PIK3AP1: variants seen among roughly 807,000 people sequenced by gnomAD.
PIK3AP1 encodes the protein phosphoinositide 3-kinase adapter protein 1.
PIK3AP1 carries 21 observed loss-of-function variants against 88.1 expected under a neutral mutation model. The observed-to-expected ratio is 0.24, with a 90% confidence interval of 0.17 to 0.34. The LOEUF (loss-of-function observed/expected upper bound fraction) is 0.34. PIK3AP1 is among the 10% of genes least tolerant of loss of function. PIK3AP1 has a pLI of 1.00. For synonymous variants in PIK3AP1, 398 were observed against 400.0 expected (o/e 1.00, Z 0.06); for missense variants, 828 against 1,035.7 (o/e 0.80, Z 2.75).
chr10:96,600,489 A>C (rs1589477470), intron 16 of PIK3AP1, among the ~76,000 whole-genome samples: 1 of 152,194 alleles, frequency 6.6e-6, no homozygotes, highest in African/African-American at 2.4e-5. Flanking sequence ...CTAATATTCT[A>C]ATCCGTGCCT....
intron 2 of PIK3AP1, among the ~76,000 whole-genome samples, chr10:96,667,948 T>C (rs1051474921): frequency 6.6e-6 from 1 of 152,226 alleles, no homozygotes; most frequent in Non-Finnish European, 1.5e-5. Context: ...GTACTTTTTA[T>C]TATCTATATT....
intron 13 of PIK3AP1, among the ~76,000 whole-genome samples, chr10:96,614,784 T>G (rs1849186569): frequency 6.6e-6 from 1 of 152,182 alleles, no homozygotes; most frequent in Admixed American, 6.5e-5. Context: ...AATAGTTTCC[T>G]GAAACTGACC....
intron 1 of PIK3AP1, among the ~76,000 whole-genome samples, chr10:96,714,144 A>G (rs1051579127): frequency 6.6e-6 from 1 of 151,960 alleles, no homozygotes. Context: ...ATTGCACTCC[A>G]GCCTGGGTAA....
chr10:96,703,934 A>T (rs1223253786), intron 2 of PIK3AP1, among the ~76,000 whole-genome samples: 2 of 152,242 alleles, frequency 1.3e-5, no homozygotes, highest in African/African-American at 4.8e-5. Context: ...GAAGACTCCA[A>T]TTAAAACATC....
Position 96,700,989 on chromosome 10 carries a change from G to A in PIK3AP1, c.430+8578C>T, listed in dbSNP as rs943008341. 19 of 704,854 alleles carry A rather than the reference G, an allele frequency of 2.7e-5. No individual in the cohort carries two copies. In the Admixed American group the frequency reaches 5.0e-4, roughly 19 times the overall value. The allele number at this position is 704,854 out of a possible 1,614,324, so 43.7% of individuals were successfully genotyped here. A position where few individuals can be genotyped will look rare whatever the true frequency, so the allele number is the denominator to read the frequency against. ...AACAGACCACAGGGCCTGAGCTACC[G>A]CGGGCTCCTGTGACCCAAAAACCGA... On this transcript the variant is annotated intron_variant, in intron 2 of 16. Coordinates refer to ENST00000339364, the MANE Select transcript of PIK3AP1 (RefSeq NM_152309.3).
In PIK3AP1 at chr10:96,656,947, G is replaced by A; in HGVS notation, c.431-13C>T. The A allele has an allele frequency of 1.2e-6, 2 of 1,613,434 alleles. No individual in the cohort carries two copies. The highest frequency in any genetic ancestry group is 1.1e-5 in the South Asian group (1 of 91,054). ...TCACAGCCAGAATCTACAAAATAGA[G>A]GACACCGCTGAATGGGAACGGCAGG... On this transcript the variant is annotated splice_polypyrimidine_tract_variant and intron_variant, in intron 2 of 16. Coordinates refer to ENST00000339364, the MANE Select transcript of PIK3AP1 (RefSeq NM_152309.3).
At chr10:96,600,921 CTT>C (rs1848878407) in intron 16 of PIK3AP1, among the ~76,000 whole-genome samples, 1 of 152,178 alleles carries the variant, frequency 6.6e-6, no homozygotes, top group Non-Finnish European at 1.5e-5. Context: ...GCTGTGACCA[CTT>C]TTTCCGTTAC....
rs767405565 is a variant in PIK3AP1, at chr10:96,616,721, A to G, written c.1942-10T>C. 3 of 1,613,784 alleles carry G rather than the reference A, an allele frequency of 1.9e-6. No individual in the cohort carries two copies. The highest frequency in any genetic ancestry group is 2.7e-5 in the African/African-American group (2 of 74,882). ...GCCGTTTAAGATTTTCCTGGAAAAAAATTTGGTTTATTTTTTAAGTGTACA... is the reference window on the plus strand; with the variant it reads ...GCCGTTTAAGATTTTCCTGGAAAAAGATTTGGTTTATTTTTTAAGTGTACA... On this transcript the variant is annotated splice_polypyrimidine_tract_variant and intron_variant, in intron 12 of 16. Coordinates refer to ENST00000339364, the MANE Select transcript of PIK3AP1 (RefSeq NM_152309.3).
intron 2 of PIK3AP1, among the ~76,000 whole-genome samples, chr10:96,666,724 C>T (rs1177330215): frequency 6.6e-6 from 1 of 151,910 alleles, no homozygotes; most frequent in Non-Finnish European, 1.5e-5. Context: ...GCTCAATAGT[C>T]CTAATCTCAT....
chr10:96,709,681 G>C lies in PIK3AP1; in HGVS notation c.316C>G (p.Arg106Gly). Residue 106 changes from arginine (R) to glycine (G), a missense_variant, in exon 2 of 17, where the codon CGG becomes GGG. Around this residue, in one of 3 missense-constraint regions of PIK3AP1, gnomAD observed 610 missense variants for 760.1 expected, o/e 0.80. Coordinates refer to ENST00000339364, the MANE Select transcript of PIK3AP1 (RefSeq NM_152309.3). ...AAGTCTAGGAACTCCTCGCTGTCCC[G>C]CACGCCGCAGAGCAGCCTGACCACG... Reference protein sequence around the residue: ...HRVVRLLCGVRDSEEFLDFFP... With the variant: ...HRVVRLLCGVGDSEEFLDFFP... The C allele has an allele frequency of 6.2e-7, 1 of 1,614,244 alleles. No individual in the cohort carries two copies. Among genetic ancestry groups the C allele is most frequent in the Non-Finnish European group, 8.5e-7 (1 of 1,180,050 alleles).
intron 2 of PIK3AP1, among the ~76,000 whole-genome samples, chr10:96,695,093 G>T (rs1053719600): frequency 1.3e-5 from 2 of 152,080 alleles, no homozygotes; most frequent in South Asian, 4.2e-4. Context: ...CATTTTTCCA[G>T]AAAAAAATCT....
At chr10:96,626,083 T>C (rs1044901570) in intron 10 of PIK3AP1, among the ~76,000 whole-genome samples, 4 of 152,178 alleles carry the variant, frequency 2.6e-5, no homozygotes, top group Non-Finnish European at 4.4e-5. Flanking sequence ...AACCATATTA[T>C]TGCAATCGAG....
Position 96,593,395 on chromosome 10 carries a change from A to C in PIK3AP1, c.*2182T>G, listed in dbSNP as rs746174468. Reference sequence around the variant, plus strand: ...CAACAAAATATTCATATATTGCACAAACAGTGATGTGCATACAAAGATGCT... The same window carrying C: ...CAACAAAATATTCATATATTGCACACACAGTGATGTGCATACAAAGATGCT... On this transcript the variant is annotated 3_prime_UTR_variant, in exon 17 of 17. Coordinates refer to ENST00000339364, the MANE Select transcript of PIK3AP1 (RefSeq NM_152309.3). 2.6e-5 allele frequency: 4 copies of C among 152,218 alleles called. No homozygotes were observed. Among genetic ancestry groups the C allele is most frequent in the Admixed American group, 6.5e-5 (1 of 15,280 alleles). 9.4% of individuals were successfully genotyped at this position (152,218 alleles called of 1,614,324 possible).
At chr10:96,672,097 G>A (rs1843855415) in intron 2 of PIK3AP1, among the ~76,000 whole-genome samples, 1 of 152,180 alleles carries the variant, frequency 6.6e-6, no homozygotes, top group African/African-American at 2.4e-5. Flanking sequence ...TGGAAACAAA[G>A]AGAAAGTTGT....
In PIK3AP1 at chr10:96,652,850, G is replaced by A. The variant is rs557234830; in HGVS notation, c.568-8C>T. 14 of 1,611,754 alleles carry A rather than the reference G, an allele frequency of 8.7e-6. No homozygotes were observed. Among genetic ancestry groups the A allele is most frequent in the Middle Eastern group, 1.7e-4 (1 of 6,024 alleles). On this transcript the variant is annotated splice_polypyrimidine_tract_variant and splice_region_variant and intron_variant, in intron 3 of 16. Transcript: ENST00000339364. ...ATAGACAGTGGTTTCTGCCTGAAAC[G>A]GGAAGCCGGTCATTGTCCCCTCTCC...
At chr10:96,687,518 C>A (rs942912137) in intron 2 of PIK3AP1, among the ~76,000 whole-genome samples, 15 of 152,126 alleles carry the variant, frequency 9.9e-5, no homozygotes, top group African/African-American at 2.7e-4. Flanking sequence ...AATGCCCAAC[C>A]CTCCTCCAAA....
intron 2 of PIK3AP1, among the ~76,000 whole-genome samples, chr10:96,702,972 G>C (rs1589547204): frequency 6.6e-6 from 1 of 152,066 alleles, no homozygotes; most frequent in East Asian, 1.9e-4. Context: ...AACTTCCAGG[G>C]CTCGAGCAAT....
intron 2 of PIK3AP1, among the ~76,000 whole-genome samples, chr10:96,685,542 A>G (rs1401324220): frequency 1.3e-5 from 2 of 152,192 alleles, no homozygotes; most frequent in African/African-American, 2.4e-5. Context: ...TCCATTCACC[A>G]TCTCAGTTAC....
At chr10:96,689,159 TCTC>T (rs1257479902) in intron 2 of PIK3AP1, among the ~76,000 whole-genome samples, 1 of 152,128 alleles carries the variant, frequency 6.6e-6, no homozygotes, top group African/African-American at 2.4e-5. Context: ...TCAGGCCACT[TCTC>T]AGCCCAAATG....
Sources: gnomAD v4.1 joint callset for allele counts (sites outside exome capture counted in the v4.1 genomes callset) on GRCh38, gnomAD v4.1.1 for gene constraint, gnomAD v4.1.1 regional missense constraint, MANE v1.5 for transcripts, NCBI Gene and HGNC (gene_info 2026-07-23, HGNC 2026-07-21) for gene names.